Variants in PHC1 observed in about 807,000 individuals in gnomAD.
The protein encoded by PHC1 is polyhomeotic homolog 1.
In PHC1, 12 loss-of-function variants were observed where a neutral mutation model predicts 104.3. That is an observed-to-expected ratio of 0.12 (90% CI 0.07 to 0.19). The LOEUF is 0.19. PHC1 is among the 10% of genes least tolerant of loss of function. PHC1 has a pLI of 1.00. For synonymous variants in PHC1, 302 were observed against 455.8 expected, an observed-to-expected ratio of 0.66 and a Z score of 4.30; for missense variants, 671 against 1,200.0, an observed-to-expected ratio of 0.56 and a Z score of 6.51.
Position 8,919,741 on chromosome 12 carries a change from C to T in PHC1, c.115-15C>T. On this transcript the variant is annotated splice_polypyrimidine_tract_variant and intron_variant, in intron 2 of 14. Coordinates refer to ENST00000544916, the MANE Select transcript of PHC1 (RefSeq NM_004426.3). The surrounding 1 kb of genome is among the most constrained non-coding windows in gnomAD (Gnocchi z 4.9). ...GAGTGGTCCATTCTAAATGTTTTAT[C>T]CTCTCTTTTCCTAGGCTCTGCAAGC... 1 of 1,608,476 alleles carries T rather than the reference C, an allele frequency of 6.2e-7. No homozygotes were observed. Among genetic ancestry groups the T allele is most frequent in the African/African-American group, 1.3e-5 (1 of 74,954 alleles).
intron 5 of PHC1, among the ~76,000 whole-genome samples, chr12:8,922,291 T>C (rs1016308853): frequency 2.0e-5 from 3 of 152,214 alleles, no homozygotes; most frequent in Admixed American, 6.5e-5. Context: ...GTGTTAGATA[T>C]AGTCGACCTT....
intron 7 of PHC1, 130 bp from the exon 8 acceptor site, chr12:8,932,433 T>G (rs1945712522): frequency 4.5e-6 from 4 of 884,184 alleles, no homozygotes; most frequent in African/African-American, 3.4e-5. Flanking sequence ...TCATACTGAC[T>G]AGATTTCTTT....
At chr12:8,920,605 G>A (rs1945333973) in intron 3 of PHC1, among the ~76,000 whole-genome samples, 1 of 152,228 alleles carries the variant, frequency 6.6e-6, no homozygotes, top group South Asian at 2.1e-4. Context: ...CTACTCTGGA[G>A]GCTGAGGCAG....
intron 2 of PHC1, among the ~76,000 whole-genome samples, chr12:8,918,535 T>TG (rs771151103): frequency 2.5e-4 from 38 of 152,294 alleles, no homozygotes; most frequent in African/African-American, 9.1e-4. Context: ...TGGAGTGCAG[T>TG]GGTGCGATCA....
chr12:8,930,945 A>G lies in PHC1; in HGVS notation c.1105+18A>G. On this transcript the variant is annotated intron_variant, in intron 7 of 14. Transcript: ENST00000544916. ...TAGCTCAGGTAAATTGTCATTCCTC[A>G]TGTCATTATTCTCTCAGAATTCATG... The G allele has an allele frequency of 6.3e-7, 1 of 1,591,474 alleles. No individual in the cohort carries two copies. The highest frequency in any genetic ancestry group is 8.6e-7 in the Non-Finnish European group (1 of 1,165,526).
chr12:8,929,035 T>G (rs1021729697), intron 6 of PHC1, among the ~76,000 whole-genome samples: 1 of 152,166 alleles, frequency 6.6e-6, no homozygotes, highest in African/African-American at 2.4e-5. Context: ...TGGCAAGAGT[T>G]TGTCTTGTGG....
intron 5 of PHC1, among the ~76,000 whole-genome samples, chr12:8,922,347 T>A (rs959948933): frequency 2.0e-5 from 3 of 152,248 alleles, no homozygotes; most frequent in African/African-American, 7.2e-5. Context: ...TCGCTCAGCC[T>A]ACCTACTTTC....
In PHC1 at chr12:8,919,263, G is replaced by A. The variant is rs1384632184; in HGVS notation, c.115-493G>A. ...TTTAGTAGAGGCGGAGTTTCACCATGTTGGCCAGGCTGGTCTTGAACTCCC... is the reference window on the plus strand; with the variant it reads ...TTTAGTAGAGGCGGAGTTTCACCATATTGGCCAGGCTGGTCTTGAACTCCC... On this transcript the variant is annotated intron_variant, in intron 2 of 14. Coordinates refer to ENST00000544916, the MANE Select transcript of PHC1 (RefSeq NM_004426.3). This position sits in a 1 kb window ranked among gnomAD's most constrained non-coding sequence, Gnocchi z 4.9. Among the ~76,000 whole-genome samples the A allele has an allele frequency of 6.6e-6, 1 of 152,120 alleles. No homozygotes were observed. Among genetic ancestry groups the A allele is most frequent in the African/African-American group, 2.4e-5 (1 of 41,418 alleles).
In PHC1 at chr12:8,919,688, A is replaced by G. The variant is rs768175850; in HGVS notation, c.115-68A>G. The G allele has an allele frequency of 2.0e-6, 3 of 1,464,334 alleles. No homozygotes were observed. Among genetic ancestry groups the G allele is most frequent in the Non-Finnish European group, 1.9e-6 (2 of 1,066,986 alleles). 90.7% of individuals were successfully genotyped at this position (1,464,334 alleles called of 1,614,324 possible). A position where few individuals can be genotyped will look rare whatever the true frequency, so the allele number is the denominator to read the frequency against. ...TCCCATGGCCCCCTTTCACACAAAT[A>G]CAGTGATTTACATAGAATAGGAGCT... On this transcript the variant is annotated intron_variant, in intron 2 of 14. Transcript: ENST00000544916. This position sits in a 1 kb window ranked among gnomAD's most constrained non-coding sequence, Gnocchi z 4.9.
chr12:8,922,815 GTGGGCAC>G, intron 6 of PHC1, 27 bp downstream of exon 6: 2 of 1,607,062 alleles, frequency 1.2e-6, no homozygotes, highest in African/African-American at 2.7e-5. Context: ...TTACCTGTGG[GTGGGCAC>G]TGGGCAGGAT....
chr12:8,937,542 T>G (rs891552423), intron 13 of PHC1, among the ~76,000 whole-genome samples: 1 of 152,166 alleles, frequency 6.6e-6, no homozygotes, highest in Non-Finnish European at 1.5e-5. Flanking sequence ...TACACTGTAC[T>G]TGAGTACAAT....
chr12:8,921,137 C>A, intron 4 of PHC1, 72 bp downstream of exon 4: 1 of 1,139,918 alleles, frequency 8.8e-7, no homozygotes, highest in South Asian at 1.4e-5. Context: ...TACTTTGTGC[C>A]GCTGATCTGA....
chr12:8,937,777 G>C, intron 13 of PHC1, 52 bp from the exon 14 acceptor site: 1 of 1,421,726 alleles, frequency 7.0e-7, no homozygotes, highest in Non-Finnish European at 9.9e-7. Flanking sequence ...AAGAAAGAGA[G>C]AGGAATAAAC....
In PHC1 at chr12:8,919,716, G is replaced by A; in HGVS notation, c.115-40G>A. ...GTGATTTACATAGAATAGGAGCTAG[G>A]AGTGGTCCATTCTAAATGTTTTATC... On this transcript the variant is annotated intron_variant, in intron 2 of 14. Transcript: ENST00000544916. This position sits in a 1 kb window ranked among gnomAD's most constrained non-coding sequence, Gnocchi z 4.9. 6.4e-7 allele frequency: 1 copy of A among 1,566,716 alleles called. No homozygotes were observed.
intron 1 of PHC1, chr12:8,915,229 T>C (rs1359482714): frequency 6.5e-6 from 1 of 152,734 alleles, no homozygotes; most frequent in Admixed American, 6.5e-5. Context: ...CTTGGGTCAG[T>C]TCATTCCCGG....
intron 6 of PHC1, among the ~76,000 whole-genome samples, 188 bp downstream of exon 6, chr12:8,922,976 A>G (rs1435901686): frequency 6.6e-6 from 1 of 152,230 alleles, no homozygotes; most frequent in Admixed American, 6.5e-5. Context: ...TGAGTTAGAA[A>G]GACAAGGAGA....
intron 1 of PHC1, chr12:8,915,259 C>G (rs959961107): frequency 2.6e-5 from 4 of 152,706 alleles, no homozygotes; most frequent in African/African-American, 7.2e-5. Flanking sequence ...GGATCCACCC[C>G]CTTCCCCCAG....
In PHC1 at chr12:8,934,948, A is replaced by G. The variant is rs11048108; in HGVS notation, c.2254-176A>G. On this transcript the variant is annotated intron_variant, in intron 10 of 14. Coordinates refer to ENST00000544916, the MANE Select transcript of PHC1 (RefSeq NM_004426.3). ...TTTTTTTCTCATTTCCAAACATTGT[A>G]TAGAGACCAGTTACTACTCTTGATT... Among the ~76,000 whole-genome samples, 9 of 152,162 alleles carry G rather than the reference A, an allele frequency of 5.9e-5. No homozygotes were observed. In the East Asian group the frequency reaches 1.7e-3, roughly 29 times the overall value.
At chr12:8,935,272 G>C in intron 11 of PHC1, 34 bp downstream of exon 11, 1 of 1,083,178 alleles carries the variant, frequency 9.2e-7, no homozygotes, top group Non-Finnish European at 1.4e-6. Flanking sequence ...TTTGGGGGAA[G>C]GAGACTCGTG....
Sources: gnomAD v4.1 joint callset for allele counts (sites outside exome capture counted in the v4.1 genomes callset) on GRCh38, gnomAD v4.1.1 for gene constraint, Gnocchi (gnomAD v3.1) non-coding constraint, MANE v1.5 for transcripts, NCBI Gene and HGNC (gene_info 2026-07-23, HGNC 2026-07-21) for gene names.